Variants in NWD2 observed in about 807,000 individuals in gnomAD.
NWD2 encodes NACHT and WD repeat domain-containing protein 2.
Under a neutral mutation model 132.7 loss-of-function variants are expected in NWD2, and 37 were observed. That is an observed-to-expected ratio of 0.28 (90% CI 0.21 to 0.37). NWD2 has a LOEUF of 0.37. NWD2 is among the 10% of genes least tolerant of loss of function. The pLI, the probability that NWD2 is intolerant of heterozygous loss-of-function variation, is 1.00. For synonymous variants in NWD2, 705 were observed against 803.0 expected (o/e 0.88, Z 2.06); for missense variants, 1,592 against 2,122.4 (o/e 0.75, Z 4.91).
chr4:37,357,418 A>G (rs1230222763), intron 3 of NWD2, among the ~76,000 whole-genome samples: 1 of 152,206 alleles, frequency 6.6e-6, no homozygotes, highest in East Asian at 1.9e-4. Context: ...AAATCTGACC[A>G]GCTGATGGTA....
chr4:37,437,639 G>GGAAGGAGGAAT (rs138402141), intron 5 of NWD2, among the ~76,000 whole-genome samples: 2,434 of 152,322 alleles, frequency 0.016, 62 homozygotes, highest in African/African-American at 0.056. Context: ...GAAGGAGGAA[G>GGAAGGAGGAAT]AAAGGAAGAG....
chr4:37,347,566 A>G (rs888210014), intron 2 of NWD2, among the ~76,000 whole-genome samples: 25 of 152,180 alleles, frequency 1.6e-4, no homozygotes, highest in Admixed American at 2.6e-4. Context: ...TCTGTTTACA[A>G]TTTATACCAA....
At chr4:37,326,583 A>C (rs1262580206) in intron 2 of NWD2, among the ~76,000 whole-genome samples, 1 of 152,156 alleles carries the variant, frequency 6.6e-6, no homozygotes, top group Non-Finnish European at 1.5e-5. Flanking sequence ...GAACATCCTA[A>C]CATTTTAATG....
At chr4:37,296,454 C>T (rs1718490298) in intron 1 of NWD2, among the ~76,000 whole-genome samples, 1 of 152,162 alleles carries the variant, frequency 6.6e-6, no homozygotes, top group Non-Finnish European at 1.5e-5. Flanking sequence ...TGCCCATCAG[C>T]TGATGAGTGG....
intron 1 of NWD2, among the ~76,000 whole-genome samples, chr4:37,288,106 A>G (rs946341899): frequency 3.9e-5 from 6 of 152,176 alleles, no homozygotes; most frequent in African/African-American, 1.4e-4. Context: ...TGAGAGTTGA[A>G]CATTGAGAAC....
intron 2 of NWD2, among the ~76,000 whole-genome samples, chr4:37,337,641 G>A (rs1178520161): frequency 1.3e-5 from 2 of 152,120 alleles, no homozygotes; most frequent in African/African-American, 2.4e-5. Context: ...GTCTCCTTGG[G>A]CAGCACAGGC....
At chr4:37,375,988 AT>A (rs148378183) in intron 3 of NWD2, among the ~76,000 whole-genome samples, 3,489 of 152,348 alleles carry the variant, frequency 0.023, 125 homozygotes, top group African/African-American at 0.079. Context: ...TAATAAGTGT[AT>A]GATATTCTAG....
intron 1 of NWD2, among the ~76,000 whole-genome samples, chr4:37,265,329 G>A (rs1435379): frequency 0.85 from 128,913 of 152,092 alleles, 55,253 homozygotes; most frequent in African/African-American, 0.95. Flanking sequence ...GGAGCTTACC[G>A]TATAGTTACT....
intron 3 of NWD2, among the ~76,000 whole-genome samples, chr4:37,395,854 G>A (rs1394033552): frequency 2.0e-5 from 3 of 151,806 alleles, no homozygotes; most frequent in African/African-American, 7.3e-5. Context: ...CGACCTCTGG[G>A]AGAGGCAGAC....
At chr4:37,318,777 G>C (rs1268332517) in intron 1 of NWD2, among the ~76,000 whole-genome samples, 4 of 152,032 alleles carry the variant, frequency 2.6e-5, no homozygotes, top group African/African-American at 7.2e-5. Flanking sequence ...ATGGCATCCA[G>C]CTGTATCCAT....
chr4:37,429,403 C>T (rs1409625313), intron 3 of NWD2, among the ~76,000 whole-genome samples: 1 of 152,134 alleles, frequency 6.6e-6, no homozygotes, highest in Non-Finnish European at 1.5e-5. Context: ...AAACCTCCCT[C>T]TTCTGGGTTC....
At chr4:37,399,681 ATCC>A (rs1460244817) in intron 3 of NWD2, among the ~76,000 whole-genome samples, 3 of 152,054 alleles carry the variant, frequency 2.0e-5, no homozygotes, top group Non-Finnish European at 4.4e-5. Flanking sequence ...TTTCTTTTTT[ATCC>A]TCTTTCTCCA....
At position 37,449,005 on chromosome 4, in the gene NWD2, G is replaced by A. The variant is rs1296088129; in HGVS notation, c.*1788G>A. Reference sequence around the variant, plus strand: ...GATGTTTTTCAGTATGTTACTTATGGTTTAGCTACTAGCCAGGGAGGTGGT... The same window carrying A: ...GATGTTTTTCAGTATGTTACTTATGATTTAGCTACTAGCCAGGGAGGTGGT... On this transcript the variant is annotated 3_prime_UTR_variant, in exon 7 of 7. Transcript: ENST00000309447. 2.0e-5 allele frequency: 3 copies of A among 152,148 alleles called. No homozygotes were observed. The highest frequency in any genetic ancestry group is 4.8e-5 in the African/African-American group (2 of 41,442). 9.4% of individuals were successfully genotyped at this position (152,148 alleles called of 1,614,324 possible).
At chr4:37,420,024 A>C (rs1427548058) in intron 3 of NWD2, among the ~76,000 whole-genome samples, 1 of 152,190 alleles carries the variant, frequency 6.6e-6, no homozygotes, top group Admixed American at 6.5e-5. Flanking sequence ...AACCATAGGT[A>C]TGCTCATTAT....
chr4:37,432,827 G>C (rs997506267), intron 4 of NWD2, among the ~76,000 whole-genome samples: 1 of 152,140 alleles, frequency 6.6e-6, no homozygotes, highest in South Asian at 2.1e-4. Flanking sequence ...TTTATGATAG[G>C]TCCTTTAAAA....
In NWD2 at chr4:37,285,153, A is replaced by G. The variant is rs151112617; in HGVS notation, c.151+39935A>G. On this transcript the variant is annotated intron_variant, in intron 1 of 6. Transcript: ENST00000309447. ...TTTTACCTGTGAGGAACTGAAGCCTACGTCAAGTCACAGTAATTATTGGCA... is the reference window on the plus strand; with the variant it reads ...TTTTACCTGTGAGGAACTGAAGCCTGCGTCAAGTCACAGTAATTATTGGCA... Among the ~76,000 whole-genome samples, 782 of 152,272 alleles carry G rather than the reference A, an allele frequency of 5.1e-3. 4 individuals carry two copies. Among genetic ancestry groups the G allele is most frequent in the African/African-American group, 0.018 (733 of 41,542 alleles).
chr4:37,324,204 T>G (rs1218018247), intron 1 of NWD2, among the ~76,000 whole-genome samples: 2 of 152,142 alleles, frequency 1.3e-5, no homozygotes, highest in Non-Finnish European at 2.9e-5. Flanking sequence ...TTATCCTCCT[T>G]CCAATTGTGC....
At chr4:37,379,240 T>C (rs181112856) in intron 3 of NWD2, among the ~76,000 whole-genome samples, 220 of 152,332 alleles carry the variant, frequency 1.4e-3, no homozygotes, top group African/African-American at 5.0e-3. Context: ...TCAGAGCCAA[T>C]GTAGTCGGTC....
At chr4:37,306,796 G>A (rs1445637314) in intron 1 of NWD2, among the ~76,000 whole-genome samples, 2 of 152,130 alleles carry the variant, frequency 1.3e-5, no homozygotes, top group Admixed American at 6.5e-5. Flanking sequence ...GCCAAAGCAG[G>A]CGGATCACAC....
Sources: allele counts gnomAD v4.1 joint callset (sites outside exome capture counted in the v4.1 genomes callset), GRCh38; gene constraint gnomAD v4.1.1; transcripts MANE v1.5; gene names NCBI Gene and HGNC (gene_info 2026-07-23, HGNC 2026-07-21).